BMP5: variants seen among roughly 807,000 people sequenced by gnomAD.
BMP5 encodes bone morphogenetic protein 5.
BMP5 carries 23 observed loss-of-function variants against 46.6 expected under a neutral mutation model. That is an observed-to-expected ratio of 0.49 (90% CI 0.35 to 0.70). BMP5 has a LOEUF of 0.70. BMP5 is among the 30% of genes least tolerant of loss of function. The probability of loss-of-function intolerance (pLI) is 0.00; values close to 1 mark genes in which losing one functional copy is unlikely to be tolerated. For synonymous variants in BMP5, 204 were observed against 191.9 expected, an observed-to-expected ratio of 1.06 and a Z score of -0.52; for missense variants, 545 against 565.6, an observed-to-expected ratio of 0.96 and a Z score of 0.37.
intron 1 of BMP5, among the ~76,000 whole-genome samples, chr6:55,873,146 A>T (rs1304523206): frequency 6.6e-6 from 1 of 151,940 alleles, no homozygotes; most frequent in Non-Finnish European, 1.5e-5. Flanking sequence ...AGCAGAGTAT[A>T]TTAAGCAACA....
intron 1 of BMP5, among the ~76,000 whole-genome samples, chr6:55,838,628 T>C (rs1193154180): frequency 6.6e-6 from 1 of 152,156 alleles, no homozygotes; most frequent in Non-Finnish European, 1.5e-5. Flanking sequence ...TCCCTTGCTG[T>C]GCAGAAGGTT....
rs560849185 is a variant in BMP5, at chr6:55,780,116, A to G, written c.833-5873T>C. 5.5e-4 allele frequency among the ~76,000 whole-genome samples: 84 copies of G among 152,022 alleles called. 1 individual carries two copies. The South Asian group carries it at 0.017, about 30-fold the overall frequency. ...AAAAGCCACTTTGCCAGTATTATAT[A>G]TTGATAATTATATATTATTGGTAAT... On this transcript the variant is annotated intron_variant, in intron 3 of 6. Transcript: ENST00000370830.
rs1774517694 is a variant in BMP5, at chr6:55,754,005, T to A, written c.*1528A>T. ...CCCCTTAATATAGTTACTGTCAAAT[T>A]TTCTTTAAGATAAACTGTATTTCAA... On this transcript the variant is annotated 3_prime_UTR_variant, in exon 7 of 7. Coordinates refer to ENST00000370830, the MANE Select transcript of BMP5 (RefSeq NM_021073.4). 1.3e-5 allele frequency: 2 copies of A among 152,088 alleles called. No individual in the cohort carries two copies. The highest frequency in any genetic ancestry group is 4.1e-4 in the South Asian group (2 of 4,830). 9.4% of individuals were successfully genotyped at this position (152,088 alleles called of 1,614,324 possible). A position where few individuals can be genotyped will look rare whatever the true frequency, so the allele number is the denominator to read the frequency against.
rs1007269106 is a variant in BMP5 at position 55,817,493 on chromosome 6, C to T, written c.683+2162G>A. Among the ~76,000 whole-genome samples, 6 of 152,030 alleles carry T rather than the reference C, an allele frequency of 3.9e-5. No individual in the cohort carries two copies. The East Asian group carries it at 7.8e-4, about 20-fold the overall frequency. Reference sequence around the variant, plus strand: ...GAAACCATCATTCCCAGCAAACTATCGCAAGGACAAAAAACCAAACACCTC... The same window carrying T: ...GAAACCATCATTCCCAGCAAACTATTGCAAGGACAAAAAACCAAACACCTC... On this transcript the variant is annotated intron_variant, in intron 2 of 6. Coordinates refer to ENST00000370830, the MANE Select transcript of BMP5 (RefSeq NM_021073.4).
At chr6:55,780,552 T>C (rs1195628188) in intron 3 of BMP5, among the ~76,000 whole-genome samples, 2 of 151,852 alleles carry the variant, frequency 1.3e-5, no homozygotes, top group African/African-American at 4.8e-5. Flanking sequence ...TCCATTTTTC[T>C]ATATGATTTG....
rs535278433 is a variant in BMP5, at chr6:55,821,098, G to T, written c.491-1251C>A. Among the ~76,000 whole-genome samples the T allele has an allele frequency of 7.9e-5, 12 of 152,210 alleles. No homozygotes were observed. The South Asian group carries it at 2.3e-3, about 29-fold the overall frequency. ...TGAAACTTAGGATCCTAAGCTAGAA[G>T]CATTAAGATTATGGAAGGGAAAAGA... On this transcript the variant is annotated intron_variant, in intron 1 of 6. Coordinates refer to ENST00000370830, the MANE Select transcript of BMP5 (RefSeq NM_021073.4).
rs538270610 is a variant in BMP5 at position 55,875,197 on chromosome 6, T to C, written c.-332A>G. ...TGACCTATGCATTCCTATATGAATT[T>C]ATGATAATCAGGCCTTTGGTATTTG... On this transcript the variant is annotated 5_prime_UTR_variant, in exon 1 of 7. It adds an upstream start codon to the 5' untranslated region. Coordinates refer to ENST00000370830, the MANE Select transcript of BMP5 (RefSeq NM_021073.4). 4.3e-6 allele frequency: 1 copy of C among 233,568 alleles called. No homozygotes were observed. The highest frequency in any genetic ancestry group is 1.1e-4 in the East Asian group (1 of 9,338). The allele number at this position is 233,568 out of a possible 1,614,324, so 14.5% of individuals were successfully genotyped here.
Position 55,755,456 on chromosome 6 carries a change from T to C in BMP5, c.*77A>G, listed in dbSNP as rs1378618155. Reference sequence around the variant, plus strand: ...AGACTAATTTTAGGAAATTCCCCGTTTGTCTGAAAGTATGCTTTTTATTGC... The same window carrying C: ...AGACTAATTTTAGGAAATTCCCCGTCTGTCTGAAAGTATGCTTTTTATTGC... On this transcript the variant is annotated 3_prime_UTR_variant, in exon 7 of 7. Coordinates refer to ENST00000370830, the MANE Select transcript of BMP5 (RefSeq NM_021073.4). The C allele has an allele frequency of 1.4e-6, 2 of 1,426,554 alleles. No individual in the cohort carries two copies. The highest frequency in any genetic ancestry group is 1.9e-6 in the Non-Finnish European group (2 of 1,027,844). The allele number at this position is 1,426,554 out of a possible 1,614,324, so 88.4% of individuals were successfully genotyped here.
chr6:55,862,873 A>C (rs1408653250), intron 1 of BMP5, among the ~76,000 whole-genome samples: 1 of 152,122 alleles, frequency 6.6e-6, no homozygotes, highest in Non-Finnish European at 1.5e-5. Flanking sequence ...GGTTCTGTCA[A>C]CTGGTAACAG....
chr6:55,765,256 A>AT (rs1344731087), intron 4 of BMP5, among the ~76,000 whole-genome samples: 1 of 152,110 alleles, frequency 6.6e-6, no homozygotes, highest in East Asian at 1.9e-4. Context: ...AGAACATAGT[A>AT]TTAGTTTATT....
chr6:55,783,899 A>G (rs551794703), intron 3 of BMP5, among the ~76,000 whole-genome samples: 1 of 152,002 alleles, frequency 6.6e-6, no homozygotes, highest in Non-Finnish European at 1.5e-5. Context: ...TCATTAAAAG[A>G]AACCTTAAAA....
intron 1 of BMP5, among the ~76,000 whole-genome samples, chr6:55,844,904 T>C (rs556062461): frequency 6.6e-6 from 1 of 152,158 alleles, no homozygotes. Context: ...TATTTTGAAA[T>C]ATTGACTTTG....
chr6:55,868,008 C>A (rs146400574), intron 1 of BMP5, among the ~76,000 whole-genome samples: 1 of 152,212 alleles, frequency 6.6e-6, no homozygotes, highest in Non-Finnish European at 1.5e-5. Flanking sequence ...AGTAATATGC[C>A]ATGAACTGAA....
chr6:55,777,787 T>C (rs1775212020), intron 3 of BMP5, among the ~76,000 whole-genome samples: 1 of 152,000 alleles, frequency 6.6e-6, no homozygotes, highest in Admixed American at 6.6e-5. Context: ...GATGCATGTT[T>C]AACTCCTAGA....
chr6:55,856,789 C>T (rs1193736966), intron 1 of BMP5, among the ~76,000 whole-genome samples: 1 of 152,046 alleles, frequency 6.6e-6, no homozygotes, highest in African/African-American at 2.4e-5. Flanking sequence ...TTTCAAAGCA[C>T]AATCTTCATT....
intron 4 of BMP5, among the ~76,000 whole-genome samples, chr6:55,765,378 T>C (rs1774894604): frequency 6.6e-6 from 1 of 152,146 alleles, no homozygotes; most frequent in African/African-American, 2.4e-5. Context: ...TATGCTGCTG[T>C]TTCAAAGCAA....
chr6:55,841,996 C>G (rs1166415019), intron 1 of BMP5, among the ~76,000 whole-genome samples: 1 of 151,842 alleles, frequency 6.6e-6, no homozygotes, highest in Non-Finnish European at 1.5e-5. Flanking sequence ...TCTGCTAATT[C>G]AAATATCTGT....
At position 55,758,886 on chromosome 6, in the gene BMP5, A is replaced by C. The variant is rs1026315132; in HGVS notation, c.1215+119T>G. On this transcript the variant is annotated intron_variant, in intron 6 of 6. Coordinates refer to ENST00000370830, the MANE Select transcript of BMP5 (RefSeq NM_021073.4). Reference sequence around the variant, plus strand: ...GTTACTTCAGCTCTAAAAAGAAACAAATGAGTTTGAGAAGATAAAATAATG... The same window carrying C: ...GTTACTTCAGCTCTAAAAAGAAACACATGAGTTTGAGAAGATAAAATAATG... The C allele has an allele frequency of 3.8e-6, 3 of 786,152 alleles. No homozygotes were observed. In the African/African-American group the frequency reaches 5.2e-5, roughly 14 times the overall value. The allele number at this position is 786,152 out of a possible 1,614,324, so 48.7% of individuals were successfully genotyped here.
intron 1 of BMP5, among the ~76,000 whole-genome samples, chr6:55,848,339 C>T (rs558514055): frequency 2.0e-5 from 3 of 152,086 alleles, no homozygotes; most frequent in African/African-American, 4.8e-5. Context: ...CACTGTTTCC[C>T]AGTCACTACA....
Sources: gnomAD v4.1 joint callset for allele counts (sites outside exome capture counted in the v4.1 genomes callset) on GRCh38, gnomAD v4.1.1 for gene constraint, MANE v1.5 for transcripts, NCBI Gene and HGNC (gene_info 2026-07-23, HGNC 2026-07-21) for gene names.